The following PDXDC1 variants were observed in gnomAD, a reference collection of about 807,000 sequenced individuals.
The protein encoded by PDXDC1 is pyridoxal-dependent decarboxylase domain-containing protein 1.
Under a neutral mutation model 100.1 loss-of-function variants are expected in PDXDC1, and 42 were observed. The ratio of observed to expected loss-of-function variants is 0.42; its 90% CI spans 0.33 to 0.54. The LOEUF is 0.54. Ranked by LOEUF, PDXDC1 falls within the 20% of genes least tolerant of loss-of-function variation. The pLI is 0.10. For missense variants in PDXDC1, 636 were observed against 979.2 expected, an observed-to-expected ratio of 0.65 and a Z score of 4.68; for synonymous variants, 260 against 371.7, an observed-to-expected ratio of 0.70 and a Z score of 3.46.
chr16:15,117,770 T>C (rs1204665702), intron 16 of PDXDC1, among the ~76,000 whole-genome samples: 4 of 93,060 alleles, frequency 4.3e-5, no homozygotes, highest in South Asian at 4.5e-4. Context: ...CTAAGTGGCA[T>C]AGAGAATGTT....
At chr16:15,143,394 G>A (rs952072524), downstream of PDXDC1, among the ~76,000 whole-genome samples, 1 of 152,230 alleles carries the variant, frequency 6.6e-6, no homozygotes, top group Non-Finnish European at 1.5e-5. Context: ...TCCCAGGGCT[G>A]TGGGCAGCAG....
At chr16:15,141,130 G>GTCCCTGCCAC (rs1440002089), downstream of PDXDC1, among the ~76,000 whole-genome samples, 1 of 134,626 alleles carries the variant, frequency 7.4e-6, no homozygotes, top group African/African-American at 2.5e-5. Flanking sequence ...GCCCCTGCCG[G>GTCCCTGCCAC]CCTCCAGCCC....
At chr16:15,083,746 C>T (rs557971350) in intron 16 of PDXDC1, 25 of 905,130 alleles carry the variant, frequency 2.8e-5, no homozygotes, top group African/African-American at 1.7e-4. Context: ...GACGGAGTTT[C>T]GCTCTTGTTG....
At chr16:15,146,273 A>C in the PDXDC1 span, among the ~76,000 whole-genome samples, 2 of 152,110 alleles carry the variant, frequency 1.3e-5, no homozygotes. Flanking sequence ...CAAGCTTGGC[A>C]CAACCTCCCC....
chr16:14,980,468 C>A (rs150493619), intron 1 of PDXDC1, among the ~76,000 whole-genome samples: 1 of 152,238 alleles, frequency 6.6e-6, no homozygotes, highest in African/African-American at 2.4e-5. Flanking sequence ...GTGCCACGCC[C>A]GGCTAATTTT....
At chr16:15,072,458 A>G (rs1567197512) in intron 16 of PDXDC1, among the ~76,000 whole-genome samples, 1 of 152,090 alleles carries the variant, frequency 6.6e-6, no homozygotes, top group Admixed American at 6.6e-5. Context: ...TTTTCGGAGC[A>G]CCTAGCTGGG....
At chr16:15,065,337 C>T (rs1567187060) in intron 16 of PDXDC1, 10 of 1,613,656 alleles carry the variant, frequency 6.2e-6, no homozygotes, top group Non-Finnish European at 8.5e-6. Flanking sequence ...TTGTTCCTCT[C>T]AATGATGGTG....
In PDXDC1 at chr16:15,061,557, GAAC is replaced by G. The variant is rs926536932; in HGVS notation, c.1399+31513_1399+31515del. On this transcript the variant is annotated intron_variant, in intron 16 of 16. Transcript: ENST00000535621. Reference sequence around the variant, plus strand: ...ATAGTCTTCATTTTGTCTGTAAGGGGAACAACAACAACAAAAAAACCCAGTCTT... The same window carrying G: ...ATAGTCTTCATTTTGTCTGTAAGGGGAACAACAACAAAAAAACCCAGTCTT... 124 of 488,342 alleles carry G rather than the reference GAAC, an allele frequency of 2.5e-4. No individual in the cohort carries two copies. In the East Asian group the frequency reaches 3.1e-3, roughly 12 times the overall value. 30.3% of individuals were successfully genotyped at this position (488,342 alleles called of 1,614,324 possible).
At chr16:15,136,111 C>A (rs1054566015) in intron 16 of PDXDC1, 14 of 1,569,594 alleles carry the variant, frequency 8.9e-6, no homozygotes, top group African/African-American at 5.4e-5. Context: ...AGTCGAGAAG[C>A]CGATCCACAC....
In PDXDC1 at chr16:15,036,208, T is replaced by G; in HGVS notation, c.2300T>G (p.Phe767Cys). The change falls in exon 23 of 23, where the codon TTC becomes TGC. Residue 767 changes from phenylalanine to cysteine, a missense_variant. Phe to Cys is a radical substitution (Grantham distance 205, BLOSUM62 -2). Around this residue, in one of 4 missense-constraint regions of PDXDC1, gnomAD observed 452 missense variants for 402.9 expected, o/e 1.12. Coordinates refer to ENST00000396410, the MANE Select transcript of PDXDC1 (RefSeq NM_015027.4). ...SPQHTDQTEA[F>C]QKGVPHPEDD... ...CAGCACACCGACCAGACCGAGGCCT[T>G]CCAGAAAGGGGTCCCACACCCAGAA... 6.2e-7 allele frequency: 1 copy of G among 1,614,052 alleles called. No individual in the cohort carries two copies. Among genetic ancestry groups the G allele is most frequent in the Non-Finnish European group, 8.5e-7 (1 of 1,179,996 alleles).
Position 15,032,909 on chromosome 16 carries a change from A to C in PDXDC1, c.1620A>C (p.Glu540Asp). ...DDKSSLKSDP[E>D]GENIHAGLLK... is the part of the protein sequence containing the mutation. ...AGAGCAGTTTGAAATCAGATCCCGA[A>C]GGGGAAAACATCCATGCTGGACTCC... Residue 540 changes from glutamate (E) to aspartate (D), a missense_variant, in exon 18 of 23, where the codon GAA becomes GAC. This residue lies in a region of PDXDC1 where 452 missense variants were observed against 402.9 expected (regional missense o/e 1.12). Coordinates refer to ENST00000396410, the MANE Select transcript of PDXDC1 (RefSeq NM_015027.4). The C allele has an allele frequency of 2.5e-6, 4 of 1,612,750 alleles. No individual in the cohort carries two copies. Among genetic ancestry groups the C allele is most frequent in the Non-Finnish European group, 3.4e-6 (4 of 1,178,656 alleles).
chr16:15,001,198 TAAA>T (rs1161953421), intron 3 of PDXDC1, among the ~76,000 whole-genome samples: 2 of 151,884 alleles, frequency 1.3e-5, no homozygotes, highest in Admixed American at 1.3e-4. Flanking sequence ...CTACCAAAAA[TAAA>T]AAAACGGCTG....
At chr16:15,046,697 CAAAAAAAAAA>C (rs9331444) in intron 16 of PDXDC1, among the ~76,000 whole-genome samples, 1 of 43,620 alleles carries the variant, frequency 2.3e-5, no homozygotes, top group Non-Finnish European at 3.9e-5. Flanking sequence ...CTGTCTCTAC[CAAAAAAAAAA>C]AAAAAAAAAA....
At chr16:15,088,573 C>A (rs2045997929) in intron 16 of PDXDC1, among the ~76,000 whole-genome samples, 3 of 151,788 alleles carry the variant, frequency 2.0e-5, no homozygotes, top group African/African-American at 7.3e-5. Context: ...CAGTGGAACA[C>A]AAAGAAAATG....
At chr16:15,134,999 G>A (rs1249233176) in intron 16 of PDXDC1, 3 of 428,326 alleles carry the variant, frequency 7.0e-6, no homozygotes, top group African/African-American at 4.1e-5. Context: ...GACAGTGGCT[G>A]CCTCTGGGGT....
intron 16 of PDXDC1, among the ~76,000 whole-genome samples, chr16:15,075,786 G>A (rs2045427747): frequency 1.3e-5 from 2 of 152,082 alleles, no homozygotes; most frequent in South Asian, 2.1e-4. Flanking sequence ...GCCCACCATG[G>A]CGGGTGCTTT....
chr16:15,005,097 G>A (rs1420029021), intron 5 of PDXDC1, among the ~76,000 whole-genome samples: 9 of 152,272 alleles, frequency 5.9e-5, no homozygotes, highest in Non-Finnish European at 8.8e-5. Context: ...GGTGGCTCAC[G>A]CCTGTAATCC....
rs529309960 is a variant in PDXDC1 at position 15,072,481 on chromosome 16, A to G, written c.1399+42425A>G. Among the ~76,000 whole-genome samples, 601 of 152,224 alleles carry G rather than the reference A, an allele frequency of 3.9e-3. 2 individuals are homozygous for G. Among genetic ancestry groups the G allele is most frequent in the Admixed American group, 7.4e-3 (113 of 15,290 alleles). On this transcript the variant is annotated intron_variant, in intron 16 of 16. Transcript: ENST00000535621. ...GCACCTAGCTGGGCTGGCAGGCAGC[A>G]ATCTGTTTTCTCTCCAAGTGTACTG... is the stretch of plus-strand genomic sequence containing the variant.
intron 16 of PDXDC1, chr16:15,044,222 CCAAGTGGG>C: frequency 2.8e-6 from 2 of 703,334 alleles, no homozygotes; most frequent in Admixed American, 4.2e-5. Flanking sequence ...CTGTGCTGCT[CCAAGTGGG>C]TGTGCCCTTC....
Sources: allele counts gnomAD v4.1 joint callset (sites outside exome capture counted in the v4.1 genomes callset), GRCh38; gene constraint gnomAD v4.1.1; regional missense constraint gnomAD v4.1.1; transcripts MANE v1.5; gene names NCBI Gene and HGNC (gene_info 2026-07-23, HGNC 2026-07-21).